Variants in MINDY1 observed in about 807,000 individuals in gnomAD.
MINDY1 encodes the protein ubiquitin carboxyl-terminal hydrolase MINDY-1.
In MINDY1, 50 loss-of-function variants were observed where a neutral mutation model predicts 53.6. The ratio of observed to expected loss-of-function variants is 0.93; its 90% CI spans 0.74 to 1.18. The LOEUF (loss-of-function observed/expected upper bound fraction) is 1.18, where lower values mean the gene tolerates loss of function less well. Ranked by LOEUF, MINDY1 falls within the 50% of genes most tolerant of loss-of-function variation. The pLI, the probability that MINDY1 is intolerant of heterozygous loss-of-function variation, is 0.00. For synonymous variants in MINDY1, 231 were observed against 234.7 expected (o/e 0.98, Z 0.14); for missense variants, 484 against 578.6 (o/e 0.84, Z 1.68).
At chr1:150,998,871 C>T (rs1230461216) in intron 7 of MINDY1, among the ~76,000 whole-genome samples, 1 of 152,150 alleles carries the variant, frequency 6.6e-6, no homozygotes, top group Non-Finnish European at 1.5e-5. Flanking sequence ...CTTTGAGAAC[C>T]AGAGACCCCT....
Position 150,997,740 on chromosome 1 carries a change from G to C in MINDY1, c.1213C>G (p.Arg405Gly). 1.2e-6 allele frequency: 2 copies of C among 1,613,862 alleles called. No individual in the cohort carries two copies. Among genetic ancestry groups the C allele is most frequent in the Non-Finnish European group, 1.7e-6 (2 of 1,179,988 alleles). ...IALSLQQQQP[R>G]GPLGLTDLEL... The stretch of plus-strand genomic sequence containing the variant: ...AAGTCGGTAAGCCCCAGCGGGCCTC[G>C]TGGCTGTTGCTGCTGCAGGGACAGA... The change falls in exon 9 of 10, where the codon CGA becomes GGA. Residue 405 changes from arginine to glycine, a missense_variant. Coordinates refer to ENST00000683666, the MANE Select transcript of MINDY1 (RefSeq NM_001376665.1).
At chr1:151,000,009 T>G in intron 5 of MINDY1, 45 bp from the exon 6 acceptor site, 1 of 1,474,356 alleles carries the variant, frequency 6.8e-7, no homozygotes, top group Non-Finnish European at 9.5e-7. Flanking sequence ...ATTGGGATTT[T>G]TTTTTCTTTT....
chr1:151,005,057 TTC>T (rs1193390386), intron 1 of MINDY1, among the ~76,000 whole-genome samples: 1 of 151,828 alleles, frequency 6.6e-6, no homozygotes. Context: ...ATGCTTTTTT[TTC>T]TCTCTCTTTC....
In MINDY1 at chr1:151,000,423, T is replaced by G. The variant is rs761639529; in HGVS notation, c.735+34A>C. On this transcript the variant is annotated intron_variant, in intron 5 of 9. Transcript: ENST00000683666. ...TTGCCTCTCTCATGTCAGCTTGAGC[T>G]GGATAAGGTCCCAGTGGGCCCTCCC... is the stretch of plus-strand genomic sequence containing the variant. The G allele has an allele frequency of 3.2e-6, 5 of 1,549,086 alleles. No individual in the cohort carries two copies. The Admixed American group carries it at 1.1e-4, about 33-fold the overall frequency.
Position 150,998,228 on chromosome 1 carries a change from C to T in MINDY1, c.1027G>A (p.Glu343Lys), listed in dbSNP as rs763306760. The change falls in exon 8 of 10, where the codon GAG becomes AAG. Residue 343 changes from glutamate to lysine, a missense_variant. Physicochemically the swap from Glu to Lys is moderately conservative, Grantham distance 56 (BLOSUM62 1). Transcript: ENST00000683666. The part of the protein sequence containing the change: ...LVTDQGFLQE[E>K]QVVWESLHNV... ...TGCAGGCTCTCCCATACGACTTGCT[C>T]CTCCTGTAGAAAGCCCTGGTCAGTG... is the stretch of plus-strand genomic sequence containing the variant. 3 of 1,614,054 alleles carry T rather than the reference C, an allele frequency of 1.9e-6. No individual in the cohort carries two copies. Among genetic ancestry groups the T allele is most frequent in the Admixed American group, 3.3e-5 (2 of 60,006 alleles).
rs200238414 is a variant in MINDY1 at position 151,005,960 on chromosome 1, CCTT to C, written c.-90+349_-90+351del. The C allele has an allele frequency of 8.5e-3, 9,531 of 1,117,418 alleles. 50 individuals carry two copies. The highest frequency in any genetic ancestry group is 0.01 in the Non-Finnish European group (8,162 of 808,588). 69.2% of individuals were successfully genotyped at this position (1,117,418 alleles called of 1,614,324 possible). A position where few individuals can be genotyped will look rare whatever the true frequency, so the allele number is the denominator to read the frequency against. ...AGGTATGTAGCTTCAAGAAGACACT[CCTT>C]CTCTGTAGGAACAGTTCCCTTACTG... On this transcript the variant is annotated intron_variant, in intron 1 of 9. Coordinates refer to ENST00000683666, the MANE Select transcript of MINDY1 (RefSeq NM_001376665.1).
Position 150,999,511 on chromosome 1 carries a change from C to A in MINDY1, c.839G>T (p.Gly280Val), listed in dbSNP as rs751070204. 38 of 1,613,800 alleles carry A rather than the reference C, an allele frequency of 2.4e-5. No homozygotes were observed. Among genetic ancestry groups the A allele is most frequent in the Non-Finnish European group, 3.1e-5 (37 of 1,180,024 alleles). The change falls in exon 7 of 10, where the codon GGC becomes GTC. Residue 280 changes from glycine to valine, a missense_variant and splice_region_variant. Transcript: ENST00000683666. This position sits in a 1 kb window ranked among gnomAD's most constrained non-coding sequence, Gnocchi z 4.4. ...HSSDTNLVTE[G>V]LIAEQFLETT... ...CTCCAGGAACTGCTCTGCAATCAGG[C>A]CTGCCAGAAAGGGACGAGTCGGGGG... is the stretch of plus-strand genomic sequence containing the variant.
intron 7 of MINDY1, 24 bp from the exon 8 acceptor site, chr1:150,998,297 A>T: frequency 6.3e-7 from 1 of 1,591,072 alleles, no homozygotes; most frequent in Admixed American, 1.8e-5. Context: ...AACAGAGCTC[A>T]TTGGGGGGAC....
Position 151,002,628 on chromosome 1 carries a change from G to A in MINDY1, c.-11C>T, listed in dbSNP as rs751923296. Reference sequence around the variant, plus strand: ...CTGATGGTATTCCATGGTCAAAAGGGACTTGGCTGAGGGGCACTGAAGGTG... The same window carrying A: ...CTGATGGTATTCCATGGTCAAAAGGAACTTGGCTGAGGGGCACTGAAGGTG... On this transcript the variant is annotated 5_prime_UTR_variant, in exon 2 of 10. Transcript: ENST00000683666. This position sits in a 1 kb window ranked among gnomAD's most constrained non-coding sequence, Gnocchi z 4.1. 1.3e-5 allele frequency: 21 copies of A among 1,613,938 alleles called. No homozygotes were observed. Among genetic ancestry groups the A allele is most frequent in the Non-Finnish European group, 1.6e-5 (19 of 1,179,940 alleles).
intron 1 of MINDY1, among the ~76,000 whole-genome samples, chr1:151,004,527 C>T (rs190598349): frequency 1.6e-4 from 25 of 151,940 alleles, no homozygotes; most frequent in Admixed American, 5.2e-4. Flanking sequence ...GTCAGGAGAT[C>T]GAGACCATCC....
chr1:151,001,144 A>C, intron 4 of MINDY1, 106 bp downstream of exon 4: 6 of 1,173,606 alleles, frequency 5.1e-6, no homozygotes, highest in Non-Finnish European at 7.5e-6. Context: ...GAATGAAATC[A>C]TGGTTCAAGG....
In MINDY1 at chr1:151,002,438, G is replaced by A. The variant is rs1195570641; in HGVS notation, c.180C>T (p.Ser60=). 2 of 1,614,194 alleles carry A rather than the reference G, an allele frequency of 1.2e-6. No individual in the cohort carries two copies. Among genetic ancestry groups the A allele is most frequent in the South Asian group, 1.1e-5 (1 of 91,084 alleles). The part of the protein sequence containing the change: ...REPADQALLP[S]QCGDNLESPL... ...GGGACTCAAGGTTGTCCCCACACTG[G>A]CTAGGCAGCAAAGCTTGGTCTGCTG... Residue 60 remains serine, a synonymous_variant, in exon 2 of 10, where the codon AGC becomes AGT. Transcript: ENST00000683666. This position sits in a 1 kb window ranked among gnomAD's most constrained non-coding sequence, Gnocchi z 4.1.
rs2102854987 is a variant in MINDY1, at chr1:151,002,830, ATG to A, written c.-89-126_-89-125del. The A allele has an allele frequency of 6.9e-7, 1 of 1,445,592 alleles. No individual in the cohort carries two copies. Among genetic ancestry groups the A allele is most frequent in the South Asian group, 1.5e-5 (1 of 67,212 alleles). The allele number at this position is 1,445,592 out of a possible 1,614,324, so 89.5% of individuals were successfully genotyped here. ...AGTAACTCCTGGCTATGGGCAGTAT[ATG>A]TGTAAACAGAAGGGCCCCGTGCTGA... On this transcript the variant is annotated intron_variant, in intron 1 of 9. Coordinates refer to ENST00000683666, the MANE Select transcript of MINDY1 (RefSeq NM_001376665.1). The surrounding 1 kb of genome is among the most constrained non-coding windows in gnomAD (Gnocchi z 4.1).
At chr1:150,998,666 C>T (rs774606680) in intron 7 of MINDY1, among the ~76,000 whole-genome samples, 7 of 152,170 alleles carry the variant, frequency 4.6e-5, no homozygotes, top group Admixed American at 1.3e-4. Flanking sequence ...CCTGAGCATG[C>T]GGACCTTTTA....
At chr1:151,006,903 G>C (rs1368383858), upstream of MINDY1, 17 of 985,292 alleles carry the variant, frequency 1.7e-5, no homozygotes, top group Non-Finnish European at 3.6e-6. Flanking sequence ...GTGCCTCTCT[G>C]GTGAGAATAG....
intron 3 of MINDY1, 89 bp from the exon 4 acceptor site, chr1:151,001,403 C>T: frequency 7.2e-7 from 1 of 1,387,724 alleles, no homozygotes; most frequent in Non-Finnish European, 1.0e-6. Context: ...GGTAATGTCA[C>T]AGAACACAGA....
At position 150,997,281 on chromosome 1, in the gene MINDY1, G is replaced by A; in HGVS notation, c.*6C>T. On this transcript the variant is annotated 3_prime_UTR_variant, in exon 10 of 10. Coordinates refer to ENST00000683666, the MANE Select transcript of MINDY1 (RefSeq NM_001376665.1). ...AGGGGCAGGCCAGCCTGGCACTGGG[G>A]CAGAGCTACAGCAGAATGCAGTCTG... 1.3e-6 allele frequency: 2 copies of A among 1,582,416 alleles called. No homozygotes were observed. The highest frequency in any genetic ancestry group is 1.7e-6 in the Non-Finnish European group (2 of 1,162,108).
rs587740756 is a variant in MINDY1 at position 151,002,246 on chromosome 1, T to G, written c.372A>C (p.Glu124Asp). The G allele has an allele frequency of 8.1e-5, 131 of 1,614,200 alleles. 1 individual carries two copies. The South Asian group carries it at 1.3e-3, about 16-fold the overall frequency. Residue 124 changes from glutamate to aspartate, a missense_variant, in exon 2 of 10, where the codon GAA becomes GAC. Coordinates refer to ENST00000683666, the MANE Select transcript of MINDY1 (RefSeq NM_001376665.1). This position sits in a 1 kb window ranked among gnomAD's most constrained non-coding sequence, Gnocchi z 4.1. ...TGCTCTGGGTGATGATGGGTGTCTG[T>G]TCTCCTTTCCAAGGGATCCACTTGA... ...YCVKWIPWKG[E>D]QTPIITQSTN...
At chr1:151,007,419 G>T (rs1485371367), upstream of MINDY1, among the ~76,000 whole-genome samples, 1 of 152,154 alleles carries the variant, frequency 6.6e-6, no homozygotes, top group East Asian at 1.9e-4. Context: ...CAGGAGAATC[G>T]CTTGAACCCG....
Sources: gnomAD v4.1 joint callset for allele counts (sites outside exome capture counted in the v4.1 genomes callset) on GRCh38, gnomAD v4.1.1 for gene constraint, Gnocchi (gnomAD v3.1) non-coding constraint, MANE v1.5 for transcripts, NCBI Gene and HGNC (gene_info 2026-07-23, HGNC 2026-07-21) for gene names.